HTR2A: variants seen among roughly 807,000 people sequenced by gnomAD.
The protein encoded by HTR2A is 5-HT2 receptor.
HTR2A carries 14 observed loss-of-function variants against 31.0 expected under a neutral mutation model. That is an observed-to-expected ratio of 0.45 (90% confidence interval 0.30 to 0.71). The LOEUF (loss-of-function observed/expected upper bound fraction) is 0.71. Among genes scored for constraint, HTR2A ranks in the 30% least tolerant of loss-of-function variants. The pLI, the probability that HTR2A is intolerant of heterozygous loss-of-function variation, is 0.09. For synonymous variants in HTR2A, 209 were observed against 225.2 expected (o/e 0.93, Z 0.64); for missense variants, 442 against 573.3 (o/e 0.77, Z 2.34).
rs140695435 is a variant in HTR2A, at chr13:46,855,293, G to A, written c.614-19654C>T. Among the ~76,000 whole-genome samples the A allele has an allele frequency of 5.3e-3, 812 of 152,282 alleles. 14 individuals carry two copies. Among genetic ancestry groups the A allele is most frequent in the African/African-American group, 0.019 (782 of 41,534 alleles). On this transcript the variant is annotated intron_variant, in intron 3 of 3. Transcript: ENST00000542664. The stretch of plus-strand genomic sequence containing the variant: ...TCCAGGAGAAGTGATACTATAGATT[G>A]CTCAAACTCAAGGGAACTCCTTCAG...
chr13:46,841,397 G>T (rs985231151), intron 3 of HTR2A, among the ~76,000 whole-genome samples: 1 of 152,040 alleles, frequency 6.6e-6, no homozygotes, highest in Non-Finnish European at 1.5e-5. Context: ...CAGAAAAATA[G>T]TTCAAAAATA....
At chr13:46,879,325 T>C (rs1353304183) in intron 3 of HTR2A, among the ~76,000 whole-genome samples, 1 of 152,228 alleles carries the variant, frequency 6.6e-6, no homozygotes, top group Non-Finnish European at 1.5e-5. Flanking sequence ...GTGTATTACC[T>C]GAATGAATTG....
intron 3 of HTR2A, among the ~76,000 whole-genome samples, chr13:46,848,669 A>T (rs1950661212): frequency 6.6e-6 from 1 of 152,238 alleles, no homozygotes. Flanking sequence ...TAATAAATGC[A>T]CAAGCTAAGA....
chr13:46,871,198 G>A (rs1329898927), intron 3 of HTR2A, among the ~76,000 whole-genome samples: 1 of 152,174 alleles, frequency 6.6e-6, no homozygotes, highest in South Asian at 2.1e-4. Flanking sequence ...TTGACATTGT[G>A]AGAATTACTT....
chr13:46,848,708 C>G (rs1049739929), intron 3 of HTR2A, among the ~76,000 whole-genome samples: 1 of 152,166 alleles, frequency 6.6e-6, no homozygotes, highest in Non-Finnish European at 1.5e-5. Context: ...TTGTTTTCTT[C>G]TGTACTTCCA....
At chr13:46,839,008 A>ACACC (rs1555296630) in intron 3 of HTR2A, among the ~76,000 whole-genome samples, 12 of 144,056 alleles carry the variant, frequency 8.3e-5, no homozygotes, top group South Asian at 2.2e-4. Context: ...ACACACACAC[A>ACACC]CCCTTACAGA....
At chr13:46,884,907 C>A (rs942807373) in intron 3 of HTR2A, among the ~76,000 whole-genome samples, 6 of 152,026 alleles carry the variant, frequency 3.9e-5, no homozygotes, top group Admixed American at 2.6e-4. Flanking sequence ...CATACCACTC[C>A]AAAACTTGCT....
intron 3 of HTR2A, among the ~76,000 whole-genome samples, chr13:46,866,825 G>A (rs1950822067): frequency 2.0e-5 from 3 of 152,140 alleles, no homozygotes; most frequent in Admixed American, 6.5e-5. Context: ...TCAGGAGTTC[G>A]AGACCAGCCT....
At chr13:46,855,401 T>A (rs955620573) in intron 3 of HTR2A, among the ~76,000 whole-genome samples, 1 of 152,160 alleles carries the variant, frequency 6.6e-6, no homozygotes, top group African/African-American at 2.4e-5. Context: ...TGTAGTCAAA[T>A]ATATTTTCTG....
intron 3 of HTR2A, among the ~76,000 whole-genome samples, chr13:46,879,964 C>T (rs942223500): frequency 2.6e-5 from 4 of 152,024 alleles, no homozygotes; most frequent in Non-Finnish European, 5.9e-5. Context: ...ATGATCACAC[C>T]CCTGCACTCC....
Position 46,835,596 on chromosome 13 carries a change from C to G in HTR2A, c.657G>C (p.Ser219=). ...AGCAACTCCCCTCCTTAAAGACCTT[C>G]GAATCGTCCTGTAGCCCAAAGACTG... The part of the protein sequence containing the change: ...PIPVFGLQDD[S]KVFKEGSCLL... The change falls in exon 4 of 4, where the codon TCG becomes TCC. Residue 219 remains serine, a synonymous_variant. Coordinates refer to ENST00000542664, the MANE Select transcript of HTR2A (RefSeq NM_000621.5). 2 of 1,613,906 alleles carry G rather than the reference C, an allele frequency of 1.2e-6. No homozygotes were observed. The highest frequency in any genetic ancestry group is 1.7e-6 in the Non-Finnish European group (2 of 1,179,882).
intron 3 of HTR2A, among the ~76,000 whole-genome samples, chr13:46,864,974 C>T (rs1240767309): frequency 1.3e-5 from 2 of 151,902 alleles, no homozygotes; most frequent in African/African-American, 4.8e-5. Context: ...ATGATTTTGT[C>T]TTTAAATTTA....
chr13:46,846,954 A>C (rs1460533804), intron 3 of HTR2A, among the ~76,000 whole-genome samples: 3 of 152,238 alleles, frequency 2.0e-5, no homozygotes, highest in Admixed American at 1.3e-4. Flanking sequence ...CTGACACCTC[A>C]GCTGTGCTGG....
intron 3 of HTR2A, among the ~76,000 whole-genome samples, chr13:46,876,483 C>A (rs1950914153): frequency 6.9e-6 from 1 of 144,164 alleles, no homozygotes; most frequent in Admixed American, 7.2e-5. Flanking sequence ...AATCTCAGCT[C>A]ACTGCAAGCT....
intron 3 of HTR2A, among the ~76,000 whole-genome samples, chr13:46,853,312 C>T (rs1950703325): frequency 6.6e-6 from 1 of 152,108 alleles, no homozygotes; most frequent in African/African-American, 2.4e-5. Context: ...CCACATCTTG[C>T]TGGACACCTC....
chr13:46,894,190 G>T (rs900355967), intron 2 of HTR2A, among the ~76,000 whole-genome samples: 5 of 152,188 alleles, frequency 3.3e-5, no homozygotes, highest in Admixed American at 2.6e-4. Flanking sequence ...AGCAGCCTAG[G>T]GAGGGGCGGG....
chr13:46,843,562 A>G (rs1249403176), intron 3 of HTR2A, among the ~76,000 whole-genome samples: 1 of 152,116 alleles, frequency 6.6e-6, no homozygotes, highest in Non-Finnish European at 1.5e-5. Context: ...TTGCCCTAGG[A>G]GGGAAGACAT....
At chr13:46,892,668 C>G in intron 2 of HTR2A, 78 bp from the exon 3 acceptor site, 1 of 1,257,346 alleles carries the variant, frequency 8.0e-7, no homozygotes, top group East Asian at 2.3e-5. Context: ...ATGACAATTT[C>G]CAGCTCTGGG....
At chr13:46,873,272 AT>A (rs1432485827) in intron 3 of HTR2A, among the ~76,000 whole-genome samples, 4 of 151,010 alleles carry the variant, frequency 2.6e-5, no homozygotes, top group Non-Finnish European at 4.4e-5. Flanking sequence ...TTTTTATTCC[AT>A]TTTTTGTTTT....
Sources: allele counts gnomAD v4.1 joint callset (sites outside exome capture counted in the v4.1 genomes callset), GRCh38; gene constraint gnomAD v4.1.1; transcripts MANE v1.5; gene names NCBI Gene and HGNC (gene_info 2026-07-23, HGNC 2026-07-21).